ADGRE1: variants seen among roughly 807,000 people sequenced by gnomAD.
ADGRE1 encodes the protein adhesion G protein-coupled receptor E1, also known as EGF-like module receptor 1.
In ADGRE1, 82 loss-of-function variants were observed where a neutral mutation model predicts 102.7. The ratio of observed to expected loss-of-function variants is 0.80; its 90% CI spans 0.67 to 0.96. ADGRE1 has a LOEUF of 0.96. Among genes scored for constraint, ADGRE1 ranks in the 40% least tolerant of loss-of-function variants. ADGRE1 has a pLI of 0.00. For synonymous variants in ADGRE1, 398 were observed against 399.6 expected (o/e 1.00, Z 0.05); for missense variants, 1,032 against 1,085.3 (o/e 0.95, Z 0.69).
chr19:6,936,554 C>T (rs1450671727), intron 18 of ADGRE1, among the ~76,000 whole-genome samples: 3 of 151,038 alleles, frequency 2.0e-5, no homozygotes, highest in South Asian at 2.1e-4. Context: ...CATTTTAAAG[C>T]GTGTAACTCG....
rs562229549 is a variant in ADGRE1 at position 6,906,973 on chromosome 19, C to T, written c.1038+452C>T. On this transcript the variant is annotated intron_variant, in intron 9 of 20. Transcript: ENST00000312053. ...CTTGAGGATTCTCTTAATAAAAGAACGGGAGAATATATTGGAGTCTTCCTG... is the reference window on the plus strand; with the variant it reads ...CTTGAGGATTCTCTTAATAAAAGAATGGGAGAATATATTGGAGTCTTCCTG... 2.6e-5 allele frequency among the ~76,000 whole-genome samples: 4 copies of T among 152,202 alleles called. No homozygotes were observed. The South Asian group carries it at 6.2e-4, about 24-fold the overall frequency.
chr19:6,913,170 A>T (rs382818), intron 10 of ADGRE1, among the ~76,000 whole-genome samples: 15,941 of 150,956 alleles, frequency 0.11, 942 homozygotes, highest in Non-Finnish European at 0.13. Context: ...CTGAACTTCA[A>T]TTTGTATTTC....
intron 5 of ADGRE1, chr19:6,898,701 T>A: frequency 1.1e-6 from 1 of 891,614 alleles, no homozygotes; most frequent in South Asian, 1.6e-5. Flanking sequence ...ACTCTATCTC[T>A]TTATTATTTA....
chr19:6,926,404 T>C lies in ADGRE1; in HGVS notation c.2025T>C (p.Leu675=), dbSNP rs1418787093. The C allele has an allele frequency of 6.2e-7, 1 of 1,614,234 alleles. No individual in the cohort carries two copies. Among genetic ancestry groups the C allele is most frequent in the Middle Eastern group, 1.7e-4 (1 of 6,044 alleles). Residue 675 remains leucine, a synonymous_variant, in exon 16 of 21, where the codon CTT becomes CTC. Transcript: ENST00000312053. ...TCATCGCGGGCTTCCTGCACTACCT[T>C]TTCCTTGCCTGCTTCTTCTGGATGC... ...CAIIAGFLHY[L]FLACFFWMLV...
chr19:6,905,555 G>T (rs1433382653), intron 8 of ADGRE1, among the ~76,000 whole-genome samples: 1 of 151,852 alleles, frequency 6.6e-6, no homozygotes, highest in Non-Finnish European at 1.5e-5. Flanking sequence ...GTTTCACCAT[G>T]TTGGCCAAGC....
At position 6,940,344 on chromosome 19, in the gene ADGRE1, C is replaced by T; in HGVS notation, c.*315C>T. The T allele has an allele frequency of 2.1e-6, 1 of 474,652 alleles. No individual in the cohort carries two copies. Among genetic ancestry groups the T allele is most frequent in the Non-Finnish European group, 3.8e-6 (1 of 261,776 alleles). 29.4% of individuals were successfully genotyped at this position (474,652 alleles called of 1,614,324 possible). ...TGGCTACCATTTTGTTTTCTCCTGC[C>T]CTTGTTGGTGCATGGTTCTAAGCAT... On this transcript the variant is annotated 3_prime_UTR_variant, in exon 21 of 21. Coordinates refer to ENST00000312053, the MANE Select transcript of ADGRE1 (RefSeq NM_001974.5).
intron 17 of ADGRE1, among the ~76,000 whole-genome samples, chr19:6,933,631 C>G (rs1206008722): frequency 6.6e-6 from 1 of 152,144 alleles, no homozygotes. Context: ...AGGTGATCCA[C>G]CCACCTTGGC....
In ADGRE1 at chr19:6,906,503, C is replaced by T. The variant is rs371881714; in HGVS notation, c.1020C>T (p.Thr340=). ...AGATCCAGCAATGCCAAGAGGGAAC[C>T]GCAGTGAAACCTGCATATGCAAGTA... ...NKQIQQCQEG[T]AVKPAYVSFC... The change falls in exon 9 of 21, where the codon ACC becomes ACT. Residue 340 remains threonine (T), a synonymous_variant. Transcript: ENST00000312053. The T allele has an allele frequency of 1.2e-4, 200 of 1,613,336 alleles. No homozygotes were observed. The highest frequency in any genetic ancestry group is 2.7e-4 in the East Asian group (12 of 44,874).
intron 12 of ADGRE1, 98 bp from the exon 13 acceptor site, chr19:6,919,450 G>C (rs1974541540): frequency 1.0e-5 from 5 of 487,470 alleles, no homozygotes; most frequent in Non-Finnish European, 1.9e-5. Context: ...CTCTGTGTGT[G>C]TGTGTGTGTG....
intron 16 of ADGRE1, 47 bp downstream of exon 16, chr19:6,926,648 A>G (rs767645388): frequency 6.3e-7 from 1 of 1,580,198 alleles, no homozygotes. Flanking sequence ...GCCAGGGCTT[A>G]TGGTGATAAT....
rs766414267 is a variant in ADGRE1, at chr19:6,924,770, C to T, written c.1884C>T (p.Arg628=). 3.1e-6 allele frequency: 5 copies of T among 1,614,174 alleles called. No individual in the cohort carries two copies. Among genetic ancestry groups the T allele is most frequent in the African/African-American group, 1.3e-5 (1 of 75,036 alleles). Residue 628 remains arginine, a synonymous_variant, in exon 15 of 21, where the codon CGC becomes CGT. Coordinates refer to ENST00000312053, the MANE Select transcript of ADGRE1 (RefSeq NM_001974.5). Reference sequence around the variant, plus strand: ...CCATCGCCACCTTTCTGCTGTGTCGCTCCATCCGAAATCACAACACCTACC... The same window carrying T: ...CCATCGCCACCTTTCTGCTGTGTCGTTCCATCCGAAATCACAACACCTACC... ...VLAIATFLLC[R]SIRNHNTYLH...
intron 10 of ADGRE1, among the ~76,000 whole-genome samples, 175 bp from the exon 11 acceptor site, chr19:6,913,478 C>A (rs1215787581): frequency 6.6e-6 from 1 of 152,170 alleles, no homozygotes; most frequent in African/African-American, 2.4e-5. Context: ...CTGCACCCGG[C>A]CTGAATTTGT....
intron 17 of ADGRE1, among the ~76,000 whole-genome samples, chr19:6,930,072 C>G (rs1339295481): frequency 6.6e-6 from 1 of 152,184 alleles, no homozygotes; most frequent in Non-Finnish European, 1.5e-5. Flanking sequence ...ACCGGCTGCT[C>G]TCCATTAGAA....
intron 12 of ADGRE1, among the ~76,000 whole-genome samples, chr19:6,919,180 G>A (rs532987489): frequency 3.9e-5 from 6 of 152,060 alleles, no homozygotes; most frequent in South Asian, 4.2e-4. Context: ...CTACAGGTGC[G>A]CATCACCACG....
intron 10 of ADGRE1, among the ~76,000 whole-genome samples, chr19:6,910,303 C>T (rs1455437372): frequency 6.6e-6 from 1 of 151,958 alleles, no homozygotes; most frequent in Non-Finnish European, 1.5e-5. Context: ...CAATTCCCCC[C>T]TCCCGCTCCA....
chr19:6,919,325 C>T (rs1016284410), intron 12 of ADGRE1, among the ~76,000 whole-genome samples: 4 of 151,300 alleles, frequency 2.6e-5, no homozygotes, highest in South Asian at 2.1e-4. Context: ...CCACCATGCC[C>T]GGCCAGAGGT....
chr19:6,909,881 T>C (rs1198872541), intron 10 of ADGRE1, among the ~76,000 whole-genome samples: 4 of 152,012 alleles, frequency 2.6e-5, no homozygotes, highest in African/African-American at 4.8e-5. Flanking sequence ...ATTACAGGCA[T>C]GCGCCACCAT....
intron 17 of ADGRE1, among the ~76,000 whole-genome samples, chr19:6,930,157 C>T (rs781105001): frequency 1.3e-5 from 2 of 152,160 alleles, no homozygotes; most frequent in Non-Finnish European, 2.9e-5. Flanking sequence ...CACTATCTGC[C>T]TAAATAAATC....
chr19:6,917,094 G>T (rs1162854813), intron 12 of ADGRE1, among the ~76,000 whole-genome samples: 1 of 152,108 alleles, frequency 6.6e-6, no homozygotes, highest in Non-Finnish European at 1.5e-5. Flanking sequence ...CCATTCTAGT[G>T]CAAAAGCATC....
Sources: gnomAD v4.1 joint callset for allele counts (sites outside exome capture counted in the v4.1 genomes callset) on GRCh38, gnomAD v4.1.1 for gene constraint, MANE v1.5 for transcripts, NCBI Gene and HGNC (gene_info 2026-07-23, HGNC 2026-07-21) for gene names.